The following CELSR3 variants were observed in gnomAD, a reference collection of about 807,000 sequenced individuals.
The protein encoded by CELSR3 is EGF-like protein 1.
Under a neutral mutation model 270.0 loss-of-function variants are expected in CELSR3, and 73 were observed. That is an observed-to-expected ratio of 0.27 (90% CI 0.22 to 0.33). The LOEUF (loss-of-function observed/expected upper bound fraction) is 0.33, where lower values mean the gene tolerates loss of function less well. Ranked by LOEUF, CELSR3 falls within the 10% of genes least tolerant of loss-of-function variation. The pLI is 1.00. For missense variants in CELSR3, 3,614 were observed against 4,533.8 expected, an observed-to-expected ratio of 0.80 and a Z score of 5.83; for synonymous variants, 1,780 against 1,905.4, an observed-to-expected ratio of 0.93 and a Z score of 1.71.
Position 48,655,025 on chromosome 3 carries a change from TA to T in CELSR3, c.4988+18del. ...TTTGGTAGGCAGGGGACAAGGGGACTAGGGGGCAGGGGCCTCACTTCTTGGA... is the reference window on the plus strand; with the variant it reads ...TTTGGTAGGCAGGGGACAAGGGGACTGGGGGCAGGGGCCTCACTTCTTGGA... On this transcript the variant is annotated intron_variant, in intron 6 of 34. Transcript: ENST00000164024. The surrounding 1 kb of genome is among the most constrained non-coding windows in gnomAD (Gnocchi z 5.8). 1 of 1,612,602 alleles carries T rather than the reference TA, an allele frequency of 6.2e-7. No individual in the cohort carries two copies. Among genetic ancestry groups the T allele is most frequent in the Non-Finnish European group, 8.5e-7 (1 of 1,179,148 alleles).
chr3:48,650,331 G>T lies in CELSR3; in HGVS notation c.6472+149C>A. 1.4e-6 allele frequency: 1 copy of T among 721,002 alleles called. No individual in the cohort carries two copies. The highest frequency in any genetic ancestry group is 2.5e-6 in the Non-Finnish European group (1 of 398,430). 44.7% of individuals were successfully genotyped at this position (721,002 alleles called of 1,614,324 possible). A position where few individuals can be genotyped will look rare whatever the true frequency, so the allele number is the denominator to read the frequency against. On this transcript the variant is annotated intron_variant, in intron 16 of 34. Transcript: ENST00000164024. The surrounding 1 kb of genome is among the most constrained non-coding windows in gnomAD (Gnocchi z 5.1). Reference sequence around the variant, plus strand: ...AGAAACAGATGGAGGCTCAATGAGGGTGTAGGGAGGGGCCCACATGGACTC... The same window carrying T: ...AGAAACAGATGGAGGCTCAATGAGGTTGTAGGGAGGGGCCCACATGGACTC...
rs61045611 is a variant in CELSR3, at chr3:48,638,088, C to T, written c.*117G>A. ...CCTGCCACACCAGGTAGAGCTGGGGCACCCACCACTGGGGAGCAGGAGGCT... is the reference window on the plus strand; with the variant it reads ...CCTGCCACACCAGGTAGAGCTGGGGTACCCACCACTGGGGAGCAGGAGGCT... On this transcript the variant is annotated 3_prime_UTR_variant, in exon 35 of 35. Coordinates refer to ENST00000164024, the MANE Select transcript of CELSR3 (RefSeq NM_001407.3). 5.2e-5 allele frequency: 44 copies of T among 838,886 alleles called. No individual in the cohort carries two copies. The African/African-American group carries it at 6.6e-4, about 13-fold the overall frequency. 52.0% of individuals were successfully genotyped at this position (838,886 alleles called of 1,614,324 possible).
In CELSR3 at chr3:48,646,581, C is replaced by G. The variant is rs981943479; in HGVS notation, c.7295+182G>C. ...CTGTGTGTGGCTCTGTGTCTGTCAG[C>G]CTGTGGCTCTGTCACTCTGCACAAC... is the stretch of plus-strand genomic sequence containing the variant. On this transcript the variant is annotated intron_variant, in intron 21 of 34. Transcript: ENST00000164024. This position sits in a 1 kb window ranked among gnomAD's most constrained non-coding sequence, Gnocchi z 4.8. Among the ~76,000 whole-genome samples the G allele has an allele frequency of 6.6e-6, 1 of 152,218 alleles. No homozygotes were observed. The highest frequency in any genetic ancestry group is 6.5e-5 in the Admixed American group (1 of 15,280).
At position 48,642,728 on chromosome 3, in the gene CELSR3, C is replaced by T. The variant is rs1476579787; in HGVS notation, c.8555+8G>A. The T allele has an allele frequency of 1.2e-6, 2 of 1,607,818 alleles. No individual in the cohort carries two copies. The highest frequency in any genetic ancestry group is 3.3e-5 in the Admixed American group (2 of 59,918). On this transcript the variant is annotated splice_region_variant and intron_variant, in intron 30 of 34. Coordinates refer to ENST00000164024, the MANE Select transcript of CELSR3 (RefSeq NM_001407.3). The surrounding 1 kb of genome is among the most constrained non-coding windows in gnomAD (Gnocchi z 6.1). ...AGTGTTCCCTCACAAGGAGGCTCTT[C>T]CTCTCACCTGAGGTAGCTGCGGCCC... is the stretch of plus-strand genomic sequence containing the variant.
Position 48,655,144 on chromosome 3 carries a change from G to A in CELSR3, c.4888C>T (p.Leu1630=). The change falls in exon 6 of 35, where the codon CTA becomes TTA. Residue 1630 remains leucine (L), a synonymous_variant. Coordinates refer to ENST00000164024, the MANE Select transcript of CELSR3 (RefSeq NM_001407.3). This position sits in a 1 kb window ranked among gnomAD's most constrained non-coding sequence, Gnocchi z 5.8. The part of the protein sequence containing the change: ...QGPSKDKVAV[L]SVDDCDVAVA... ...GCCACATCACAATCATCCACGCTTA[G>A]CACAGCCACCTTGTCCTTGGAGGGG... 6.2e-7 allele frequency: 1 copy of A among 1,614,002 alleles called. No individual in the cohort carries two copies. Among genetic ancestry groups the A allele is most frequent in the East Asian group, 2.2e-5 (1 of 44,876 alleles).
chr3:48,661,196 G>A lies in CELSR3; in HGVS notation c.1439C>T (p.Ala480Val), dbSNP rs774672382. 3.1e-6 allele frequency: 5 copies of A among 1,598,238 alleles called. No homozygotes were observed. Among genetic ancestry groups the A allele is most frequent in the Non-Finnish European group, 3.4e-6 (4 of 1,172,058 alleles). The change falls in exon 1 of 35, where the codon GCT becomes GTT. Residue 480 changes from alanine (A) to valine (V), a missense_variant. Ala to Val is a moderately conservative substitution (Grantham distance 64). Transcript: ENST00000164024. ...AATCTCGAAGGCGGCGGCAGCTGCAGCGCGCGCAGCTGGCGGCCCCACGAA... is the reference window on the plus strand; with the variant it reads ...AATCTCGAAGGCGGCGGCAGCTGCAACGCGCGCAGCTGGCGGCCCCACGAA... ...YRFVGPPAAR[A>V]AAAAAFEIDP...
Position 48,651,464 on chromosome 3 carries a change from G to A in CELSR3, c.6081C>T (p.Cys2027=), listed in dbSNP as rs751617309. The change falls in exon 14 of 35, where the codon TGC becomes TGT. Residue 2027 remains cysteine (C), a synonymous_variant. Transcript: ENST00000164024. This position sits in a 1 kb window ranked among gnomAD's most constrained non-coding sequence, Gnocchi z 7.4. ...TTGGGCTCCCCCACCAGCCCCGTGG[G>A]CACTGCTGGTCCATCCTGGGGGTGC... ...HHCEHRMDQQ[C]PRGWWGSPTC... 1.9e-6 allele frequency: 3 copies of A among 1,613,876 alleles called. No individual in the cohort carries two copies. Among genetic ancestry groups the A allele is most frequent in the Non-Finnish European group, 1.7e-6 (2 of 1,179,944 alleles).
Position 48,648,706 on chromosome 3 carries a change from G to A in CELSR3, c.6777+13C>T. On this transcript the variant is annotated intron_variant, in intron 18 of 34. Transcript: ENST00000164024. The stretch of plus-strand genomic sequence containing the variant: ...GGGGGCCAAGGCACTGAGAACATAG[G>A]GCACAGCCCCACCTCATTGAAGTGG... 1.2e-6 allele frequency: 2 copies of A among 1,607,072 alleles called. No homozygotes were observed. The highest frequency in any genetic ancestry group is 1.7e-6 in the Non-Finnish European group (2 of 1,179,298).
rs2047024167 is a variant in CELSR3, at chr3:48,641,310, C to T, written c.9025+14G>A. 6.4e-7 allele frequency: 1 copy of T among 1,574,112 alleles called. No individual in the cohort carries two copies. ...AGCGTGTCTGCGGTGTGGGCCAGGG[C>T]TCAGGGACTGTACCTTTCCTCTGGC... is the stretch of plus-strand genomic sequence containing the variant. On this transcript the variant is annotated intron_variant, in intron 33 of 34. Transcript: ENST00000164024. This position sits in a 1 kb window ranked among gnomAD's most constrained non-coding sequence, Gnocchi z 4.8.
Position 48,658,404 on chromosome 3 carries a change from G to A in CELSR3, c.3748+483C>T, listed in dbSNP as rs932617817. Among the ~76,000 whole-genome samples, 1 of 152,190 alleles carries A rather than the reference G, an allele frequency of 6.6e-6. No individual in the cohort carries two copies. The highest frequency in any genetic ancestry group is 2.4e-5 in the African/African-American group (1 of 41,440). On this transcript the variant is annotated intron_variant, in intron 1 of 34. Transcript: ENST00000164024. The surrounding 1 kb of genome is among the most constrained non-coding windows in gnomAD (Gnocchi z 4.7). ...CAAAGGTCAGGGTCTCAGGCCCTAC[G>A]AAGCCACTGTCCACCTGAAGCTTCC...
chr3:48,660,603 C>T lies in CELSR3; in HGVS notation c.2032G>A (p.Ala678Thr). 3 of 1,614,198 alleles carry T rather than the reference C, an allele frequency of 1.9e-6. No individual in the cohort carries two copies. Among genetic ancestry groups the T allele is most frequent in the Non-Finnish European group, 2.5e-6 (3 of 1,180,028 alleles). ...HSVIHIQAVDADHGENARLEY... is the reference protein window; with the variant it reads ...HSVIHIQAVDTDHGENARLEY... ...AATCTGGCATTCTCCCCATGGTCTGCATCGACTGCCTGAATGTGGATGACT... is the reference window on the plus strand; with the variant it reads ...AATCTGGCATTCTCCCCATGGTCTGTATCGACTGCCTGAATGTGGATGACT... Residue 678 changes from alanine (A) to threonine (T), a missense_variant, in exon 1 of 35, where the codon GCA becomes ACA. Ala to Thr is a moderately conservative substitution (Grantham distance 58). This residue lies in a region of CELSR3 where 354 missense variants were observed against 500.9 expected (regional missense o/e 0.71). Transcript: ENST00000164024. The surrounding 1 kb of genome is among the most constrained non-coding windows in gnomAD (Gnocchi z 5.5).
chr3:48,650,758 G>A lies in CELSR3; in HGVS notation c.6370+134C>T. The A allele has an allele frequency of 1.8e-6, 2 of 1,119,218 alleles. No homozygotes were observed. Among genetic ancestry groups the A allele is most frequent in the Non-Finnish European group, 2.5e-6 (2 of 791,856 alleles). The allele number at this position is 1,119,218 out of a possible 1,614,324, so 69.3% of individuals were successfully genotyped here. On this transcript the variant is annotated intron_variant, in intron 15 of 34. Coordinates refer to ENST00000164024, the MANE Select transcript of CELSR3 (RefSeq NM_001407.3). The surrounding 1 kb of genome is among the most constrained non-coding windows in gnomAD (Gnocchi z 5.1). ...AGCAAAGTACTTGGGGCAAAGGTAG[G>A]GTTCCCTGGGTGTAAGTGGTCTCCC...
chr3:48,645,737 C>T lies in CELSR3; in HGVS notation c.7590+5G>A, dbSNP rs1413862089. 4 of 1,607,134 alleles carry T rather than the reference C, an allele frequency of 2.5e-6. No individual in the cohort carries two copies. Among genetic ancestry groups the T allele is most frequent in the African/African-American group, 1.3e-5 (1 of 74,846 alleles). On this transcript the variant is annotated splice_donor_5th_base_variant and intron_variant, in intron 23 of 34. Coordinates refer to ENST00000164024, the MANE Select transcript of CELSR3 (RefSeq NM_001407.3). This position sits in a 1 kb window ranked among gnomAD's most constrained non-coding sequence, Gnocchi z 5.4. ...ACTTCCTTGGGACACTGAACACAGC[C>T]CCACCTCACGGGGAGAGGCATCCAT...
At position 48,644,701 on chromosome 3, in the gene CELSR3, G is replaced by A; in HGVS notation, c.8085+15C>T. 1 of 1,601,244 alleles carries A rather than the reference G, an allele frequency of 6.2e-7. No homozygotes were observed. The highest frequency in any genetic ancestry group is 8.6e-7 in the Non-Finnish European group (1 of 1,169,040). ...GAGGGAAGTACAGAGGGGGCACCAA[G>A]TCCAGGGCACTCACCACTATGACCA... On this transcript the variant is annotated intron_variant, in intron 26 of 34. Coordinates refer to ENST00000164024, the MANE Select transcript of CELSR3 (RefSeq NM_001407.3). The surrounding 1 kb of genome is among the most constrained non-coding windows in gnomAD (Gnocchi z 4.8).
Position 48,655,643 on chromosome 3 carries a change from C to T in CELSR3, c.4741+93G>A, listed in dbSNP as rs563673724. The T allele has an allele frequency of 1.7e-4, 192 of 1,123,784 alleles. No homozygotes were observed. Among genetic ancestry groups the T allele is most frequent in the Non-Finnish European group, 2.2e-4 (160 of 738,954 alleles). The allele number at this position is 1,123,784 out of a possible 1,614,324, so 69.6% of individuals were successfully genotyped here. On this transcript the variant is annotated intron_variant, in intron 4 of 34. Coordinates refer to ENST00000164024, the MANE Select transcript of CELSR3 (RefSeq NM_001407.3). This position sits in a 1 kb window ranked among gnomAD's most constrained non-coding sequence, Gnocchi z 5.8. ...GGGCTTGCATGGCGTGGAGTGTGTG[C>T]TCAGGTGCACAGTGAAGCAAACCTG...
chr3:48,642,192 T>G lies in CELSR3; in HGVS notation c.8665+166A>C, dbSNP rs1160416123. ...ATCAGAGGGAAGGACGAATCAGGAGTGGACTGGGAGAACCAGGGCTGGAGA... is the reference window on the plus strand; with the variant it reads ...ATCAGAGGGAAGGACGAATCAGGAGGGGACTGGGAGAACCAGGGCTGGAGA... On this transcript the variant is annotated intron_variant, in intron 31 of 34. Transcript: ENST00000164024. The surrounding 1 kb of genome is among the most constrained non-coding windows in gnomAD (Gnocchi z 6.1). 1 of 869,890 alleles carries G rather than the reference T, an allele frequency of 1.1e-6. No homozygotes were observed. The highest frequency in any genetic ancestry group is 1.7e-6 in the Non-Finnish European group (1 of 584,092). The allele number at this position is 869,890 out of a possible 1,614,324, so 53.9% of individuals were successfully genotyped here.
In CELSR3 at chr3:48,661,800, G is replaced by T; in HGVS notation, c.835C>A (p.Arg279=). ...AGGAAGCGGCAGCGGAAGAGACCCC[G>T]GGAGCGCATGCGCTTGGGCGCCGGC... is the stretch of plus-strand genomic sequence containing the variant. ...PEPAPKRMRS[R]GLFRCRFLPQ... is the part of the protein sequence containing the mutation. The change falls in exon 1 of 35, where the codon CGG becomes AGG. Residue 279 remains arginine (R), a synonymous_variant. Coordinates refer to ENST00000164024, the MANE Select transcript of CELSR3 (RefSeq NM_001407.3). The T allele has an allele frequency of 6.2e-7, 1 of 1,608,412 alleles. No individual in the cohort carries two copies. Among genetic ancestry groups the T allele is most frequent in the Non-Finnish European group, 8.5e-7 (1 of 1,179,126 alleles).
rs1212692471 is a variant in CELSR3, at chr3:48,650,254, G to A, written c.6472+226C>T. 1 of 651,608 alleles carries A rather than the reference G, an allele frequency of 1.5e-6. No homozygotes were observed. 40.4% of individuals were successfully genotyped at this position (651,608 alleles called of 1,614,324 possible). A position where few individuals can be genotyped will look rare whatever the true frequency, so the allele number is the denominator to read the frequency against. ...GGTAGTGGGAGGGGGCAGTGCACCTGAGCAAACACGTACCCCTTACCTGCA... is the reference window on the plus strand; with the variant it reads ...GGTAGTGGGAGGGGGCAGTGCACCTAAGCAAACACGTACCCCTTACCTGCA... On this transcript the variant is annotated intron_variant, in intron 16 of 34. Transcript: ENST00000164024. This position sits in a 1 kb window ranked among gnomAD's most constrained non-coding sequence, Gnocchi z 5.1.
chr3:48,644,857 G>T lies in CELSR3; in HGVS notation c.7973-29C>A. Reference sequence around the variant, plus strand: ...GGGAAGAGAAAGGGTAGGACTGAGGGTGTGTGTTCCAGAGCTGCTGACCAG... The same window carrying T: ...GGGAAGAGAAAGGGTAGGACTGAGGTTGTGTGTTCCAGAGCTGCTGACCAG... On this transcript the variant is annotated intron_variant, in intron 25 of 34. Transcript: ENST00000164024. The surrounding 1 kb of genome is among the most constrained non-coding windows in gnomAD (Gnocchi z 4.8). The T allele has an allele frequency of 1.9e-6, 3 of 1,595,326 alleles. No individual in the cohort carries two copies. The highest frequency in any genetic ancestry group is 2.6e-6 in the Non-Finnish European group (3 of 1,165,394).
Sources: allele counts gnomAD v4.1 joint callset (sites outside exome capture counted in the v4.1 genomes callset), GRCh38; gene constraint gnomAD v4.1.1; regional missense constraint gnomAD v4.1.1; non-coding constraint Gnocchi (gnomAD v3.1); transcripts MANE v1.5; gene names NCBI Gene and HGNC (gene_info 2026-07-23, HGNC 2026-07-21).